The following WDR17 variants were observed in gnomAD, a reference collection of about 807,000 sequenced individuals.
The protein encoded by WDR17 is WD repeat domain 17, also known as WD repeat-containing protein 17.
In WDR17, 143 loss-of-function variants were observed where a neutral mutation model predicts 161.7. The ratio of observed to expected loss-of-function variants is 0.88; its 90% CI spans 0.77 to 1.02. WDR17 has a LOEUF of 1.02. Ranked by LOEUF, WDR17 falls within the 50% of genes least tolerant of loss-of-function variation. The probability of loss-of-function intolerance (pLI) is 0.00; values close to 1 mark genes in which losing one functional copy is unlikely to be tolerated. For missense variants in WDR17, 1,469 were observed against 1,520.9 expected (o/e 0.97, Z 0.57); for synonymous variants, 517 against 515.6 (o/e 1.00, Z -0.04).
At chr4:176,146,598 T>C (rs1217838739) in intron 12 of WDR17, among the ~76,000 whole-genome samples, 1 of 152,054 alleles carries the variant, frequency 6.6e-6, no homozygotes, top group Admixed American at 6.5e-5. Flanking sequence ...TAAAAGCCTT[T>C]CTTGGGTTTG....
chr4:176,106,452 C>T (rs1738734318), intron 1 of WDR17, among the ~76,000 whole-genome samples: 1 of 151,956 alleles, frequency 6.6e-6, no homozygotes, highest in Admixed American at 6.6e-5. Flanking sequence ...TGGACTCTTA[C>T]CTAACACCAT....
intron 1 of WDR17, among the ~76,000 whole-genome samples, chr4:176,104,174 T>C (rs1467945506): frequency 6.6e-6 from 1 of 152,132 alleles, no homozygotes; most frequent in Non-Finnish European, 1.5e-5. Flanking sequence ...CAAAACTGTC[T>C]TTCAGAAGTG....
intron 23 of WDR17, among the ~76,000 whole-genome samples, chr4:176,170,692 G>T (rs1750598237): frequency 6.6e-6 from 1 of 152,064 alleles, no homozygotes; most frequent in African/African-American, 2.4e-5. Context: ...TTAATGATAG[G>T]GCTAGAATAT....
intron 1 of WDR17, among the ~76,000 whole-genome samples, chr4:176,111,012 C>T (rs985262493): frequency 1.4e-4 from 22 of 152,154 alleles, no homozygotes; most frequent in Non-Finnish European, 2.8e-4. Context: ...AGCTTATATA[C>T]CTGTCTTATG....
At chr4:176,128,991 T>A in intron 6 of WDR17, 131 bp downstream of exon 6, 1 of 754,944 alleles carries the variant, frequency 1.3e-6, no homozygotes, top group Non-Finnish European at 2.0e-6. Context: ...TTTGACAATA[T>A]ATGTGCTCAA....
At chr4:176,157,661 A>G (rs541981898) in intron 18 of WDR17, among the ~76,000 whole-genome samples, 6 of 152,388 alleles carry the variant, frequency 3.9e-5, no homozygotes, top group Middle Eastern at 3.4e-3. Context: ...TTTCCATTTA[A>G]GACCAAAGTG....
intron 6 of WDR17, among the ~76,000 whole-genome samples, chr4:176,131,029 A>G (rs1453042635): frequency 2.0e-5 from 3 of 152,166 alleles, no homozygotes; most frequent in Admixed American, 2.0e-4. Context: ...GGAAGAAAGA[A>G]AATTGAGATG....
Position 176,151,861 on chromosome 4 carries a change from G to A in WDR17, c.2354G>A (p.Gly785Asp), listed in dbSNP as rs745863847. 1.2e-6 allele frequency: 2 copies of A among 1,611,416 alleles called. No individual in the cohort carries two copies. Among genetic ancestry groups the A allele is most frequent in the Admixed American group, 1.7e-5 (1 of 59,562 alleles). ...GTCAAGATGTCTAAATTTGGTGGTG[G>A]TATTGGTGTACCTGCTAAAGAGGAA... ...TTVKMSKFGG[G>D]IGVPAKEERL... is the part of the protein sequence containing the mutation. The change falls in exon 17 of 29, where the codon GGT (glycine) becomes GAT (aspartate). Residue 785 changes from glycine to aspartate, a missense_variant. Coordinates refer to ENST00000508596, the MANE Select transcript of WDR17 (RefSeq NM_181265.4).
intron 17 of WDR17, among the ~76,000 whole-genome samples, chr4:176,155,479 G>A (rs1397123178): frequency 1.3e-5 from 2 of 150,302 alleles, no homozygotes; most frequent in Non-Finnish European, 3.0e-5. Context: ...AGGAACCGAG[G>A]GGTACTTGGA....
At chr4:176,166,155 CTTTTA>C (rs779388674) in intron 22 of WDR17, 7 of 954,908 alleles carry the variant, frequency 7.3e-6, no homozygotes, top group Non-Finnish European at 1.1e-5. Context: ...GTATTATCTA[CTTTTA>C]TTTAAGAACA....
At chr4:176,178,186 A>C (rs1751747410) in intron 28 of WDR17, among the ~76,000 whole-genome samples, 1 of 152,092 alleles carries the variant, frequency 6.6e-6, no homozygotes, top group Non-Finnish European at 1.5e-5. Context: ...GTAGCTGGAT[A>C]CTGATGTAAA....
intron 11 of WDR17, among the ~76,000 whole-genome samples, chr4:176,143,259 G>T (rs1745589055): frequency 6.6e-6 from 1 of 152,146 alleles, no homozygotes; most frequent in Non-Finnish European, 1.5e-5. Context: ...GGCCAATATT[G>T]CTAACAAGGA....
chr4:176,150,057 C>A lies in WDR17; in HGVS notation c.2062C>A (p.Pro688Thr). Residue 688 changes from proline (P) to threonine (T), a missense_variant, in exon 15 of 29, where the codon CCA becomes ACA. By Grantham distance (38) the Pro-to-Thr change is conservative. Coordinates refer to ENST00000508596, the MANE Select transcript of WDR17 (RefSeq NM_181265.4). ...CTGTTCTTCAGATTATGCTATAGAACCAGGCACTCCTCCTCTACTGTGTGG... is the reference window on the plus strand; with the variant it reads ...CTGTTCTTCAGATTATGCTATAGAAACAGGCACTCCTCCTCTACTGTGTGG... ...IIGNTDYAIE[P>T]GTPPLLCGKV... The A allele has an allele frequency of 6.2e-7, 1 of 1,613,840 alleles. No homozygotes were observed. The highest frequency in any genetic ancestry group is 8.5e-7 in the Non-Finnish European group (1 of 1,179,950).
At chr4:176,164,581 G>A (rs971843289) in intron 22 of WDR17, among the ~76,000 whole-genome samples, 3 of 152,066 alleles carry the variant, frequency 2.0e-5, no homozygotes, top group Non-Finnish European at 4.4e-5. Context: ...ATCCAAAAAA[G>A]TCTGAAATCT....
At chr4:176,157,865 T>TA (rs755830215) in intron 18 of WDR17, among the ~76,000 whole-genome samples, 40 of 152,176 alleles carry the variant, frequency 2.6e-4, no homozygotes, top group Non-Finnish European at 4.3e-4. Flanking sequence ...AAGATTGGTG[T>TA]ATATGAACTG....
chr4:176,093,147 A>G (rs1478610445), intron 1 of WDR17, among the ~76,000 whole-genome samples: 1 of 152,196 alleles, frequency 6.6e-6, no homozygotes, highest in Non-Finnish European at 1.5e-5. Flanking sequence ...AAGAAGTGAA[A>G]GAGTCTATAA....
chr4:176,179,564 A>C lies in WDR17; in HGVS notation c.3837A>C (p.Arg1279=). ...TCTCACCTTTAGGGACTGGAATACG[A>C]CTCAATCCATTCTGATAGAAGATTT... The part of the protein sequence containing the change: ...NPFSPLGTGI[R]LNPF The change falls in exon 29 of 29, where the codon CGA becomes CGC. Residue 1279 remains arginine (R), a synonymous_variant. Transcript: ENST00000508596. The C allele has an allele frequency of 6.4e-7, 1 of 1,570,014 alleles. No homozygotes were observed. Among genetic ancestry groups the C allele is most frequent in the Non-Finnish European group, 8.6e-7 (1 of 1,158,978 alleles).
intron 1 of WDR17, among the ~76,000 whole-genome samples, chr4:176,074,809 G>A (rs927040749): frequency 1.4e-5 from 1 of 71,302 alleles, no homozygotes; most frequent in African/African-American, 5.1e-5. Context: ...TTTTTTTAAT[G>A]CTTTTTTTTT....
chr4:176,138,761 C>G (rs1279200763), intron 9 of WDR17, among the ~76,000 whole-genome samples: 1 of 151,820 alleles, frequency 6.6e-6, no homozygotes, highest in Non-Finnish European at 1.5e-5. Flanking sequence ...CACTTCCAGC[C>G]TGATTGTGGA....
Sources: allele counts gnomAD v4.1 joint callset (sites outside exome capture counted in the v4.1 genomes callset), GRCh38; gene constraint gnomAD v4.1.1; transcripts MANE v1.5; gene names NCBI Gene and HGNC (gene_info 2026-07-23, HGNC 2026-07-21).